Variants in PROM2 observed in about 807,000 individuals in gnomAD.
The protein encoded by PROM2 is prominin 2.
Under a neutral mutation model 110.2 loss-of-function variants are expected in PROM2, and 90 were observed. The observed-to-expected ratio is 0.82, with a 90% CI of 0.69 to 0.97. The LOEUF (loss-of-function observed/expected upper bound fraction) is 0.97. Among genes scored for constraint, PROM2 ranks in the 50% least tolerant of loss-of-function variants. The pLI, the probability that PROM2 is intolerant of heterozygous loss-of-function variation, is 0.00. For missense variants in PROM2, 1,009 were observed against 1,074.8 expected (o/e 0.94, Z 0.86); for synonymous variants, 470 against 467.8 (o/e 1.00, Z -0.06).
In PROM2 at chr2:95,275,406, C is replaced by T; in HGVS notation, c.245-55C>T. ...GCCCTGGCAGTGGGGAGAGGAGGGA[C>T]ACAGGGGCAGGGCAGTGGCTGTCCC... On this transcript the variant is annotated intron_variant, in intron 1 of 23. Coordinates refer to ENST00000317620, the MANE Select transcript of PROM2 (RefSeq NM_001165978.3). This position sits in a 1 kb window ranked among gnomAD's most constrained non-coding sequence, Gnocchi z 4.4. 2 of 1,539,840 alleles carry T rather than the reference C, an allele frequency of 1.3e-6. No individual in the cohort carries two copies. The highest frequency in any genetic ancestry group is 1.8e-6 in the Non-Finnish European group (2 of 1,129,948).
rs752633419 is a variant in PROM2 at position 95,281,318 on chromosome 2, G to A, written c.1504G>A (p.Val502Met). The part of the protein sequence containing the change: ...VFATFLVGGN[V>M]QTLVCQSWEN... ...CGCCACCTTCCTGGTGGGTGGCAAC[G>A]TGCAGACGCTGGTGTGCCAGAGCTG... Residue 502 changes from valine to methionine, a missense_variant, in exon 12 of 24, where the codon GTG becomes ATG. By Grantham distance (21) the Val-to-Met change is conservative. Coordinates refer to ENST00000317620, the MANE Select transcript of PROM2 (RefSeq NM_001165978.3). 16 of 1,613,236 alleles carry A rather than the reference G, an allele frequency of 9.9e-6. No individual in the cohort carries two copies. Among genetic ancestry groups the A allele is most frequent in the Admixed American group, 1.7e-5 (1 of 59,994 alleles).
chr2:95,286,618 G>A (rs73957748), intron 17 of PROM2, 47 bp downstream of exon 17: 286 of 1,528,430 alleles, frequency 1.9e-4, no homozygotes, highest in Non-Finnish European at 2.4e-4. Flanking sequence ...GAGGGGAGAC[G>A]TGGAGAGGGG....
chr2:95,289,352 G>A lies in PROM2; in HGVS notation c.*139G>A. ...ACTGTCCCCAGTTCCGGCTTACCTG[G>A]CCCCACCTTGCCTGCTCCTTTCCAC... On this transcript the variant is annotated 3_prime_UTR_variant, in exon 24 of 24. Coordinates refer to ENST00000317620, the MANE Select transcript of PROM2 (RefSeq NM_001165978.3). 4 of 305,816 alleles carry A rather than the reference G, an allele frequency of 1.3e-5. No homozygotes were observed. The highest frequency in any genetic ancestry group is 9.2e-5 in the South Asian group (2 of 21,758). 18.9% of individuals were successfully genotyped at this position (305,816 alleles called of 1,614,324 possible). A position where few individuals can be genotyped will look rare whatever the true frequency, so the allele number is the denominator to read the frequency against.
chr2:95,288,710 C>A, intron 22 of PROM2, 121 bp downstream of exon 22: 2 of 883,250 alleles, frequency 2.3e-6, no homozygotes, highest in Non-Finnish European at 3.5e-6. Context: ...CATGAGCGAG[C>A]CCTGAAGAGC....
At position 95,279,965 on chromosome 2, in the gene PROM2, CA is replaced by C; in HGVS notation, c.1397del (p.Lys466ArgfsTer64). On this transcript the variant is annotated frameshift_variant, in exon 11 of 24. Coordinates refer to ENST00000317620, the MANE Select transcript of PROM2 (RefSeq NM_001165978.3). LOFTEE classifies it high-confidence loss of function. ...ARDDPSHPEA[K>X]GEAGARFLMA... The stretch of plus-strand genomic sequence containing the variant: ...GGGACGACCCCAGCCACCCAGAAGC[CA>C]AGGGCGAGGCTGGAGCCCGCTTCCT... The C allele has an allele frequency of 6.7e-7, 1 of 1,494,584 alleles. No individual in the cohort carries two copies. 92.6% of individuals were successfully genotyped at this position (1,494,584 alleles called of 1,614,324 possible). A position where few individuals can be genotyped will look rare whatever the true frequency, so the allele number is the denominator to read the frequency against.
At chr2:95,287,010 C>T in intron 18 of PROM2, 123 bp from the exon 19 acceptor site, 1 of 1,258,370 alleles carries the variant, frequency 7.9e-7, no homozygotes. Context: ...CCTGGGGGAT[C>T]ACCACCCTTG....
At chr2:95,281,122 A>G (rs1677015109) in intron 11 of PROM2, 120 bp from the exon 12 acceptor site, 1 of 1,359,414 alleles carries the variant, frequency 7.4e-7, no homozygotes, top group Admixed American at 2.2e-5. Context: ...TTTCCTCTAA[A>G]GGCTCTGTGC....
At chr2:95,286,612 G>A (rs1677372143) in intron 17 of PROM2, 41 bp downstream of exon 17, 1 of 1,552,810 alleles carries the variant, frequency 6.4e-7, no homozygotes, top group Non-Finnish European at 8.9e-7. Context: ...CTGGGGGAGG[G>A]GAGACGTGGA....
At chr2:95,277,763 G>A in intron 7 of PROM2, 167 bp from the exon 8 acceptor site, 2 of 759,508 alleles carry the variant, frequency 2.6e-6, no homozygotes, top group Admixed American at 2.6e-5. Flanking sequence ...ATGTGTGTGA[G>A]CTCCTTGAGT....
In PROM2 at chr2:95,285,059, G is replaced by C. The variant is rs545169096; in HGVS notation, c.1819G>C (p.Glu607Gln). The C allele has an allele frequency of 2.5e-6, 4 of 1,596,980 alleles. No homozygotes were observed. In the South Asian group the frequency reaches 3.4e-5, roughly 14 times the overall value. Residue 607 changes from glutamate to glutamine, a missense_variant, in exon 15 of 24, where the codon GAG (glutamate) becomes CAG (glutamine). Coordinates refer to ENST00000317620, the MANE Select transcript of PROM2 (RefSeq NM_001165978.3). ...LLSSAARRDL[E>Q]ALQSSGLQRI... ...GAGCTCAGCCGCCCGCCGGGACCTG[G>C]AGGCCCTGCAGAGCAGTGGGCTTCA...
At chr2:95,274,926 C>T in intron 1 of PROM2, 97 bp downstream of exon 1, 1 of 1,397,884 alleles carries the variant, frequency 7.2e-7, no homozygotes, top group South Asian at 1.6e-5. Context: ...AACCTACAAG[C>T]AGGCACTTGC....
At chr2:95,288,042 G>A (rs1287749626) in intron 20 of PROM2, among the ~76,000 whole-genome samples, 169 bp from the exon 21 acceptor site, 6 of 152,162 alleles carry the variant, frequency 3.9e-5, no homozygotes, top group African/African-American at 1.2e-4. Flanking sequence ...GAGTATGTCC[G>A]CATCTGTCTG....
chr2:95,275,456 C>T lies in PROM2; in HGVS notation c.245-5C>T, dbSNP rs1333326672. 6.2e-7 allele frequency: 1 copy of T among 1,612,236 alleles called. No individual in the cohort carries two copies. Among genetic ancestry groups the T allele is most frequent in the Admixed American group, 1.7e-5 (1 of 59,780 alleles). On this transcript the variant is annotated splice_region_variant and splice_polypyrimidine_tract_variant and intron_variant, in intron 1 of 23. Coordinates refer to ENST00000317620, the MANE Select transcript of PROM2 (RefSeq NM_001165978.3). The surrounding 1 kb of genome is among the most constrained non-coding windows in gnomAD (Gnocchi z 4.4). ...CCAAATCCTCAGCTTGGCTCTTTCCCATAGAGTTGGTAAAGGCCCTACTGA... is the reference window on the plus strand; with the variant it reads ...CCAAATCCTCAGCTTGGCTCTTTCCTATAGAGTTGGTAAAGGCCCTACTGA...
intron 14 of PROM2, among the ~76,000 whole-genome samples, chr2:95,282,509 G>A (rs1677110948): frequency 6.6e-6 from 1 of 152,208 alleles, no homozygotes; most frequent in Non-Finnish European, 1.5e-5. Context: ...GGGGGCCCAT[G>A]TGTCCTGACT....
intron 6 of PROM2, 120 bp from the exon 7 acceptor site, chr2:95,277,244 G>C: frequency 4.0e-6 from 5 of 1,239,196 alleles, no homozygotes; most frequent in Non-Finnish European, 5.6e-6. Context: ...AGTTTCCACT[G>C]TAGGCAGGAG....
In PROM2 at chr2:95,285,122, G is replaced by A. The variant is rs950556349; in HGVS notation, c.1875+7G>A. 30 of 1,555,606 alleles carry A rather than the reference G, an allele frequency of 1.9e-5. No individual in the cohort carries two copies. Among genetic ancestry groups the A allele is most frequent in the South Asian group, 5.9e-5 (5 of 84,314 alleles). ...CCCCGACTTCCTCGTTCAGGTCAGC[G>A]GTGGGCACCTCAGCAGGGCTTCCTC... is the stretch of plus-strand genomic sequence containing the variant. On this transcript the variant is annotated splice_region_variant and intron_variant, in intron 15 of 23. Coordinates refer to ENST00000317620, the MANE Select transcript of PROM2 (RefSeq NM_001165978.3).
In PROM2 at chr2:95,275,535, G is replaced by C; in HGVS notation, c.294+25G>C. Reference sequence around the variant, plus strand: ...GGTGAGCAAGCTGGGGAAAGGTGCTGGGGGAGGGAGTTCTGGGGTGAGCAG... The same window carrying C: ...GGTGAGCAAGCTGGGGAAAGGTGCTCGGGGAGGGAGTTCTGGGGTGAGCAG... On this transcript the variant is annotated intron_variant, in intron 2 of 23. Coordinates refer to ENST00000317620, the MANE Select transcript of PROM2 (RefSeq NM_001165978.3). This position sits in a 1 kb window ranked among gnomAD's most constrained non-coding sequence, Gnocchi z 4.4. The C allele has an allele frequency of 6.2e-7, 1 of 1,612,932 alleles. No homozygotes were observed. The highest frequency in any genetic ancestry group is 2.2e-5 in the East Asian group (1 of 44,870).
chr2:95,274,907 G>T (rs1676558876), intron 1 of PROM2, 78 bp downstream of exon 1: 5 of 1,452,672 alleles, frequency 3.4e-6, no homozygotes, highest in Non-Finnish European at 4.5e-6. Context: ...TCTACCATGG[G>T]ATGTGCCCAA....
intron 16 of PROM2, 97 bp from the exon 17 acceptor site, chr2:95,286,382 C>A: frequency 9.3e-7 from 1 of 1,081,056 alleles, no homozygotes; most frequent in East Asian, 2.4e-5. Flanking sequence ...CCTCTGAGCC[C>A]AGCACTCCCA....
Sources: allele counts gnomAD v4.1 joint callset (sites outside exome capture counted in the v4.1 genomes callset), GRCh38; gene constraint gnomAD v4.1.1; non-coding constraint Gnocchi (gnomAD v3.1); transcripts MANE v1.5; gene names NCBI Gene and HGNC (gene_info 2026-07-23, HGNC 2026-07-21).